TTN: variants seen among roughly 807,000 people sequenced by gnomAD.
The protein encoded by TTN is titin, also known as connectin.
A neutral mutation model predicts 3,223.0 loss-of-function variants in TTN; 1,525 were observed. That is an observed-to-expected ratio of 0.47 (90% CI 0.45 to 0.49). TTN has a LOEUF of 0.49. Among genes scored for constraint, TTN ranks in the 20% least tolerant of loss-of-function variants. TTN has a pLI of 0.00. For synonymous variants in TTN, 14,094 were observed against 15,161.0 expected, an observed-to-expected ratio of 0.93 and a Z score of 5.17; for missense variants, 40,786 against 43,424.0, an observed-to-expected ratio of 0.94 and a Z score of 5.40.
At chr2:178,629,614 T>C (rs1355678241) in intron 239 of TTN, among the ~76,000 whole-genome samples, 171 bp from the exon 240 acceptor site, 3 of 152,166 alleles carry the variant, frequency 2.0e-5, no homozygotes, top group Admixed American at 1.3e-4. Flanking sequence ...AGGGGAGAGC[T>C]GGTAGCCAGA....
Position 178,572,458 on chromosome 2 carries a change from C to T in TTN, c.73674G>A (p.Lys24558=). The change falls in exon 326 of 363, where the codon AAG becomes AAA. Residue 24558 remains lysine, a synonymous_variant. Coordinates refer to ENST00000589042, the MANE Select transcript of TTN (RefSeq NM_001267550.2). ...GSKIKNYIVE[K]RESTRKAYST... The stretch of plus-strand genomic sequence containing the variant: ...AATATGCTTTTCTTGTTGATTCCCG[C>T]TTTTCAACAATATAGTTCTTGATTT... 6.2e-7 allele frequency: 1 copy of T among 1,612,476 alleles called. No individual in the cohort carries two copies. Among genetic ancestry groups the T allele is most frequent in the Non-Finnish European group, 8.5e-7 (1 of 1,178,838 alleles).
At chr2:178,750,974 C>A (rs2085330602) in intron 47 of TTN, 2 of 1,612,900 alleles carry the variant, frequency 1.2e-6, no homozygotes, top group African/African-American at 1.3e-5. Flanking sequence ...TGCTTCTTGG[C>A]TCATTCTTAT....
In TTN at chr2:178,718,196, C is replaced by T; in HGVS notation, c.24810G>A (p.Leu8270=). 1 of 1,602,904 alleles carries T rather than the reference C, an allele frequency of 6.2e-7. No individual in the cohort carries two copies. Among genetic ancestry groups the T allele is most frequent in the Non-Finnish European group, 8.5e-7 (1 of 1,178,038 alleles). ...CTCCAATGACTGCTTCCACATGTTC[C>T]AGAGGTTCAATAAAGTACGGTGGTT... ...VLEPPYFIEP[L]EHVEAVIGEP... The change falls in exon 86 of 363, where the codon CTG becomes CTA. Residue 8270 remains leucine (L), a synonymous_variant. Coordinates refer to ENST00000589042, the MANE Select transcript of TTN (RefSeq NM_001267550.2).
chr2:178,544,389 T>C lies in TTN; in HGVS notation c.95840A>G (p.Glu31947Gly). The C allele has an allele frequency of 6.2e-7, 1 of 1,613,790 alleles. No homozygotes were observed. Among genetic ancestry groups the C allele is most frequent in the East Asian group, 2.2e-5 (1 of 44,864 alleles). ...GGTDIVGYVLEMQEKDTDQWY... is the reference protein window; with the variant it reads ...GGTDIVGYVLGMQEKDTDQWY... ...CTGATCAGTGTCCTTCTCTTGCATT[T>C]CCAGAACATATCCTACAATGTCAGT... The change falls in exon 345 of 363, where the codon GAA (glutamate) becomes GGA (glycine). Residue 31947 changes from glutamate (E) to glycine (G), a missense_variant. Coordinates refer to ENST00000589042, the MANE Select transcript of TTN (RefSeq NM_001267550.2).
chr2:178,608,826 A>T lies in TTN; in HGVS notation c.52185T>A (p.Asp17395Glu), dbSNP rs1479797110. The T allele has an allele frequency of 6.2e-7, 1 of 1,612,408 alleles. No homozygotes were observed. The highest frequency in any genetic ancestry group is 1.7e-5 in the Admixed American group (1 of 59,940). The part of the protein sequence containing the change: ...SVLCKWEPPL[D>E]DGGSEIINYT... Reference sequence around the variant, plus strand: ...AGTTTATGATTTCACTGCCACCATCATCAAGGGGTGGTTCCCATTTACAAA... The same window carrying T: ...AGTTTATGATTTCACTGCCACCATCTTCAAGGGGTGGTTCCCATTTACAAA... Residue 17395 changes from aspartate (D) to glutamate (E), a missense_variant, in exon 274 of 363, where the codon GAT (aspartate) becomes GAA (glutamate). Transcript: ENST00000589042.
rs1417271874 is a variant in TTN, at chr2:178,673,630, T to C, written c.34786+3A>G. The C allele has an allele frequency of 9.5e-6, 15 of 1,575,860 alleles. No homozygotes were observed. Among genetic ancestry groups the C allele is most frequent in the African/African-American group, 4.1e-5 (3 of 72,446 alleles). On this transcript the variant is annotated splice_donor_region_variant and intron_variant, in intron 152 of 362. Coordinates refer to ENST00000589042, the MANE Select transcript of TTN (RefSeq NM_001267550.2). ...AGATATTAATAATGAGGATTTGATA[T>C]ACCTTTAGCTGGTGGTGCCTCCACT...
At chr2:178,611,992 A>G in intron 267 of TTN, 38 bp from the exon 268 acceptor site, 2 of 1,604,752 alleles carry the variant, frequency 1.2e-6, no homozygotes, top group South Asian at 2.3e-5. Context: ...GCATTAATGA[A>G]AAAACACAGT....
In TTN at chr2:178,685,239, G is replaced by C. The variant is rs1300012776; in HGVS notation, c.32470+14C>G. ...AAAATAAATAGTGTTGCATTTCTTT[G>C]AAAGAAATCATACCTTTAGCCGGTG... On this transcript the variant is annotated intron_variant, in intron 129 of 362. Coordinates refer to ENST00000589042, the MANE Select transcript of TTN (RefSeq NM_001267550.2). 1 of 1,525,712 alleles carries C rather than the reference G, an allele frequency of 6.6e-7. No homozygotes were observed. The highest frequency in any genetic ancestry group is 8.8e-7 in the Non-Finnish European group (1 of 1,137,150). The allele number at this position is 1,525,712 out of a possible 1,614,324, so 94.5% of individuals were successfully genotyped here.
chr2:178,579,155 A>C lies in TTN; in HGVS notation c.67875T>G (p.Leu22625=). 1 of 1,613,384 alleles carries C rather than the reference A, an allele frequency of 6.2e-7. No individual in the cohort carries two copies. Among genetic ancestry groups the C allele is most frequent in the Non-Finnish European group, 8.5e-7 (1 of 1,179,548 alleles). ...KSDAGKYTIT[L]KNVAGTKEGT... is the part of the protein sequence containing the mutation. ...CTTCCTTGGTGCCAGCAACATTCTT[A>C]AGTGTGATTGTGTATTTTCCAGCAT... The change falls in exon 320 of 363, where the codon CTT becomes CTG. Residue 22625 remains leucine (L), a synonymous_variant. Transcript: ENST00000589042.
chr2:178,743,561 G>A (rs768221849), intron 47 of TTN, among the ~76,000 whole-genome samples: 13 of 151,878 alleles, frequency 8.6e-5, no homozygotes, highest in Non-Finnish European at 1.8e-4. Flanking sequence ...ATGAATAAGA[G>A]TGTTTTTCAG....
Position 178,776,751 on chromosome 2 carries a change from A to G in TTN, c.5113T>C (p.Phe1705Leu), listed in dbSNP as rs2092267612. Residue 1705 changes from phenylalanine to leucine, a missense_variant, in exon 28 of 363, where the codon TTC (phenylalanine) becomes CTC (leucine). Physicochemically the swap from Phe to Leu is conservative, Grantham distance 22. Transcript: ENST00000589042. Reference sequence around the variant, plus strand: ...CTTAAGGAAGTGAGTTTTTTCTTGAAAAATGGTTTCTGTTGTTTCTCTTTG... The same window carrying G: ...CTTAAGGAAGTGAGTTTTTTCTTGAGAAATGGTTTCTGTTGTTTCTCTTTG... ...YDKEKQQKPFFKKKLTSLRLK... is the reference protein window; with the variant it reads ...YDKEKQQKPFLKKKLTSLRLK... 23 of 1,614,084 alleles carry G rather than the reference A, an allele frequency of 1.4e-5. No homozygotes were observed. Among genetic ancestry groups the G allele is most frequent in the Non-Finnish European group, 1.9e-5 (23 of 1,180,014 alleles).
At position 178,728,988 on chromosome 2, in the gene TTN, T is replaced by A. The variant is rs113892821; in HGVS notation, c.19050A>T (p.Gln6350His). 2 of 1,613,012 alleles carry A rather than the reference T, an allele frequency of 1.2e-6. No individual in the cohort carries two copies. Among genetic ancestry groups the A allele is most frequent in the Admixed American group, 1.7e-5 (1 of 59,902 alleles). The change falls in exon 65 of 363, where the codon CAA becomes CAT. Residue 6350 changes from glutamine to histidine, a missense_variant. Gln to His is a conservative substitution (Grantham distance 24, BLOSUM62 0). Coordinates refer to ENST00000589042, the MANE Select transcript of TTN (RefSeq NM_001267550.2). ...ISFVDSVATL[Q>H]IRSVDNGHSG... is the part of the protein sequence containing the mutation. The stretch of plus-strand genomic sequence containing the variant: ...TGTGTCCATTATCCACACTTCTGAT[T>A]TGAAGTGTGGCCACACTGTCCACAA...
chr2:178,710,991 A>AATTTCT (rs2076575588), intron 97 of TTN, 69 bp from the exon 98 acceptor site: 12 of 1,549,708 alleles, frequency 7.7e-6, no homozygotes, highest in Non-Finnish European at 1.0e-5. Context: ...CTGAAATAGA[A>AATTTCT]ATTTCTCCCT....
chr2:178,604,899 C>T lies in TTN; in HGVS notation c.54191-1G>A. On this transcript the variant is annotated splice_acceptor_variant, in intron 280 of 362. Coordinates refer to ENST00000589042, the MANE Select transcript of TTN (RefSeq NM_001267550.2). LOFTEE classifies it high-confidence loss of function. ...AGATTTCTTGGTGGGGATGGGCGGTCTGGAAAGGAATCAACAGAGAATATT... is the reference window on the plus strand; with the variant it reads ...AGATTTCTTGGTGGGGATGGGCGGTTTGGAAAGGAATCAACAGAGAATATT... 1 of 1,610,438 alleles carries T rather than the reference C, an allele frequency of 6.2e-7. No homozygotes were observed. Among genetic ancestry groups the T allele is most frequent in the Non-Finnish European group, 8.5e-7 (1 of 1,178,096 alleles).
rs768339636 is a variant in TTN, at chr2:178,709,859, A to G, written c.28463-3T>C. 5.0e-6 allele frequency: 8 copies of G among 1,606,494 alleles called. No homozygotes were observed. Among genetic ancestry groups the G allele is most frequent in the Middle Eastern group, 3.3e-4 (2 of 6,032 alleles). Reference sequence around the variant, plus strand: ...GAAACTTGGTGGGATGAGCCGCTCTATAAGAAATTGCAAGGATATATGAAG... The same window carrying G: ...GAAACTTGGTGGGATGAGCCGCTCTGTAAGAAATTGCAAGGATATATGAAG... On this transcript the variant is annotated splice_polypyrimidine_tract_variant and splice_region_variant and intron_variant, in intron 98 of 362. Coordinates refer to ENST00000589042, the MANE Select transcript of TTN (RefSeq NM_001267550.2).
intron 270 of TTN, 147 bp from the exon 271 acceptor site, chr2:178,610,536 T>C (rs1310786527): frequency 4.6e-6 from 4 of 876,066 alleles, no homozygotes; most frequent in African/African-American, 1.7e-5. Context: ...GCATTTAGCA[T>C]CCTTGGCTCC....
At chr2:178,549,523 A>G in intron 338 of TTN, 47 bp downstream of exon 338, 1 of 1,592,928 alleles carries the variant, frequency 6.3e-7, no homozygotes, top group South Asian at 1.1e-5. Flanking sequence ...TTTGCTTGGA[A>G]GGTTAAACTT....
At chr2:178,747,472 T>A in intron 47 of TTN, 1 of 1,613,436 alleles carries the variant, frequency 6.2e-7, no homozygotes, top group Non-Finnish European at 8.5e-7. Flanking sequence ...CTTCACTGGT[T>A]GTACTTCCCA....
Position 178,674,318 on chromosome 2 carries a change from A to T in TTN, c.34704T>A (p.Pro11568=), listed in dbSNP as rs1479745072. 3.8e-6 allele frequency: 6 copies of T among 1,575,498 alleles called. No homozygotes were observed. In the African/African-American group the frequency reaches 8.1e-5, roughly 21 times the overall value. ...SIEEVEEVAP[P]RVPEVIKKAV... ...AATCCTTAAAAGCGGTTATACCTCTAGGTGGTGCCACCTCTTCAACTTCCT... is the reference window on the plus strand; with the variant it reads ...AATCCTTAAAAGCGGTTATACCTCTTGGTGGTGCCACCTCTTCAACTTCCT... The change falls in exon 151 of 363, where the codon CCT becomes CCA. Residue 11568 remains proline (P), a synonymous_variant. Transcript: ENST00000589042.
Sources: gnomAD v4.1 joint callset for allele counts (sites outside exome capture counted in the v4.1 genomes callset) on GRCh38, gnomAD v4.1.1 for gene constraint, MANE v1.5 for transcripts, NCBI Gene and HGNC (gene_info 2026-07-23, HGNC 2026-07-21) for gene names.